CHCHD6: variants seen among roughly 807,000 people sequenced by gnomAD.
CHCHD6 encodes the protein coiled-coil-helix-coiled-coil-helix domain containing 6.
Under a neutral mutation model 32.3 loss-of-function variants are expected in CHCHD6, and 28 were observed. That is an observed-to-expected ratio of 0.87 (90% CI 0.64 to 1.19). The LOEUF (loss-of-function observed/expected upper bound fraction) is 1.19, where lower values mean the gene tolerates loss of function less well. Ranked by LOEUF, CHCHD6 falls within the 50% of genes most tolerant of loss-of-function variation. The pLI, the probability that CHCHD6 is intolerant of heterozygous loss-of-function variation, is 0.00. For missense variants in CHCHD6, 333 were observed against 307.0 expected, an observed-to-expected ratio of 1.08 and a Z score of -0.63; for synonymous variants, 122 against 117.5, an observed-to-expected ratio of 1.04 and a Z score of -0.25.
intron 4 of CHCHD6, among the ~76,000 whole-genome samples, chr3:126,741,097 A>G (rs1197948665): frequency 6.6e-6 from 1 of 152,136 alleles, no homozygotes; most frequent in East Asian, 1.9e-4. Context: ...GTGTCACAAA[A>G]TGTTAGAAAT....
rs141571897 is a variant in CHCHD6, at chr3:126,885,210, C to T, written c.496-29470C>T. On this transcript the variant is annotated intron_variant, in intron 5 of 7. Coordinates refer to ENST00000290913, the MANE Select transcript of CHCHD6 (RefSeq NM_032343.3). ...GCTGGCTGGTCCTTCCAGCTCCAGT[C>T]AACGTGGGCCTCCTGTTCAGTCTTA... Among the ~76,000 whole-genome samples the T allele has an allele frequency of 3.8e-3, 579 of 152,322 alleles. 8 individuals carry two copies. The highest frequency in any genetic ancestry group is 0.024 in the Admixed American group (369 of 15,304).
chr3:126,960,258 A>G lies in CHCHD6; in HGVS notation c.*57A>G, dbSNP rs1446219481. 13 of 1,547,690 alleles carry G rather than the reference A, an allele frequency of 8.4e-6. No homozygotes were observed. Among genetic ancestry groups the G allele is most frequent in the African/African-American group, 6.9e-5 (5 of 72,966 alleles). On this transcript the variant is annotated 3_prime_UTR_variant, in exon 8 of 8. Coordinates refer to ENST00000290913, the MANE Select transcript of CHCHD6 (RefSeq NM_032343.3). ...ACTTGGAGCCCTGAAGAAGGGACCA[A>G]TCATGGGACCACAGCCACTGTGCCC...
At position 126,852,746 on chromosome 3, in the gene CHCHD6, G is replaced by A; in HGVS notation, c.495+16G>A. 1 of 1,581,736 alleles carries A rather than the reference G, an allele frequency of 6.3e-7. No homozygotes were observed. The highest frequency in any genetic ancestry group is 8.7e-7 in the Non-Finnish European group (1 of 1,151,180). Reference sequence around the variant, plus strand: ...TGAGAGGAAGGTAAGACTCCTGCTTGGCTGCATTCCTCGGGGCCAGGTCCT... The same window carrying A: ...TGAGAGGAAGGTAAGACTCCTGCTTAGCTGCATTCCTCGGGGCCAGGTCCT... On this transcript the variant is annotated intron_variant, in intron 5 of 7. Transcript: ENST00000290913.
intron 5 of CHCHD6, among the ~76,000 whole-genome samples, chr3:126,880,105 T>A (rs1006250960): frequency 2.0e-5 from 3 of 152,156 alleles, no homozygotes; most frequent in African/African-American, 4.8e-5. Flanking sequence ...GTTAGGGAGA[T>A]GCCATTCTCA....
intron 1 of CHCHD6, among the ~76,000 whole-genome samples, chr3:126,711,135 T>C (rs1339990305): frequency 6.6e-6 from 1 of 152,194 alleles, no homozygotes; most frequent in Non-Finnish European, 1.5e-5. Flanking sequence ...CTTATGTCCT[T>C]TTTTCCCTTT....
At chr3:126,896,839 A>T (rs1487676782) in intron 5 of CHCHD6, among the ~76,000 whole-genome samples, 1 of 152,184 alleles carries the variant, frequency 6.6e-6, no homozygotes, top group Admixed American at 6.5e-5. Context: ...CAGAGGAGAC[A>T]TGGGGGCTGG....
chr3:126,888,970 T>C (rs1201630185), intron 5 of CHCHD6, among the ~76,000 whole-genome samples: 1 of 152,148 alleles, frequency 6.6e-6, no homozygotes, highest in Non-Finnish European at 1.5e-5. Context: ...TCCGGTTGTC[T>C]CTATATGGGT....
At chr3:126,845,281 G>C (rs1451042160) in intron 4 of CHCHD6, among the ~76,000 whole-genome samples, 1 of 152,048 alleles carries the variant, frequency 6.6e-6, no homozygotes. Context: ...GGGAGAGTGG[G>C]GATGAGTCAA....
At chr3:126,729,244 A>G (rs1169527396) in intron 2 of CHCHD6, among the ~76,000 whole-genome samples, 2 of 152,214 alleles carry the variant, frequency 1.3e-5, no homozygotes, top group African/African-American at 4.8e-5. Context: ...TAGTAATCTT[A>G]ATATGTAGCG....
At chr3:126,763,807 T>C (rs191925625) in intron 4 of CHCHD6, among the ~76,000 whole-genome samples, 1 of 152,322 alleles carries the variant, frequency 6.6e-6, no homozygotes, top group East Asian at 1.9e-4. Flanking sequence ...CCAGAGGCTA[T>C]GGGAGAGGAA....
chr3:126,945,903 C>CT (rs1214541499), intron 6 of CHCHD6, among the ~76,000 whole-genome samples: 3 of 152,098 alleles, frequency 2.0e-5, no homozygotes, highest in Admixed American at 1.3e-4. Context: ...GGCAAGGACT[C>CT]TAAGACGACA....
At chr3:126,946,665 A>G (rs917169549) in intron 6 of CHCHD6, among the ~76,000 whole-genome samples, 1 of 152,198 alleles carries the variant, frequency 6.6e-6, no homozygotes, top group African/African-American at 2.4e-5. Flanking sequence ...CACATCGTCA[A>G]TAGCAGTCAG....
chr3:126,903,317 G>A (rs922915617), intron 5 of CHCHD6, among the ~76,000 whole-genome samples: 5 of 152,178 alleles, frequency 3.3e-5, no homozygotes, highest in Admixed American at 6.5e-5. Context: ...CTGAGCAGCC[G>A]CACTGGATCC....
chr3:126,922,264 T>C (rs1185152980), intron 6 of CHCHD6, among the ~76,000 whole-genome samples: 1 of 152,236 alleles, frequency 6.6e-6, no homozygotes, highest in Non-Finnish European at 1.5e-5. Flanking sequence ...GAAGCTCAGC[T>C]GGCAGATGCC....
At chr3:126,900,878 A>G (rs1462198230) in intron 5 of CHCHD6, among the ~76,000 whole-genome samples, 1 of 152,082 alleles carries the variant, frequency 6.6e-6, no homozygotes, top group Non-Finnish European at 1.5e-5. Context: ...TGCTGGGATT[A>G]CAGGTGTGAG....
At chr3:126,768,181 T>C (rs917299927) in intron 4 of CHCHD6, among the ~76,000 whole-genome samples, 1 of 152,310 alleles carries the variant, frequency 6.6e-6, no homozygotes, top group East Asian at 1.9e-4. Flanking sequence ...ATGCATGGTT[T>C]AGCACCATCC....
chr3:126,812,500 T>C (rs1443121585), intron 4 of CHCHD6, among the ~76,000 whole-genome samples: 1 of 152,044 alleles, frequency 6.6e-6, no homozygotes, highest in Non-Finnish European at 1.5e-5. Context: ...CTCGGCTTAC[T>C]GCAACCTCCG....
intron 4 of CHCHD6, among the ~76,000 whole-genome samples, chr3:126,795,215 A>C (rs749186846): frequency 1.1e-4 from 16 of 152,296 alleles, no homozygotes; most frequent in Middle Eastern, 3.4e-3. Context: ...TGCAGACCTC[A>C]GTGTGAATCC....
At chr3:126,959,918 A>T (rs897150282) in intron 7 of CHCHD6, among the ~76,000 whole-genome samples, 1 of 152,128 alleles carries the variant, frequency 6.6e-6, no homozygotes, top group African/African-American at 2.4e-5. Context: ...GGGGCAGGGG[A>T]CCTGCCTTCT....
Sources: allele counts gnomAD v4.1 joint callset (sites outside exome capture counted in the v4.1 genomes callset), GRCh38; gene constraint gnomAD v4.1.1; transcripts MANE v1.5; gene names NCBI Gene and HGNC (gene_info 2026-07-23, HGNC 2026-07-21).